The following HPCAL1 variants were observed in gnomAD, a reference collection of about 807,000 sequenced individuals.
HPCAL1 encodes hippocalcin-like protein 1.
In HPCAL1, 8 loss-of-function variants were observed where a neutral mutation model predicts 17.1. The ratio of observed to expected loss-of-function variants is 0.47; its 90% CI spans 0.27 to 0.84. The LOEUF is 0.84. Ranked by LOEUF, HPCAL1 falls within the 40% of genes least tolerant of loss-of-function variation. The pLI is 0.13. For synonymous variants in HPCAL1, 112 were observed against 111.4 expected (o/e 1.01, Z -0.03); for missense variants, 165 against 271.1 (o/e 0.61, Z 2.75).
In HPCAL1 at chr2:10,406,089, C is replaced by T. The variant is rs575770282; in HGVS notation, c.-25+9169C>T. ...ACCCCTCCTTGCTGTCATCAACATGCGTTCTCCTACAGTCATGCTCCGCGC... is the reference window on the plus strand; with the variant it reads ...ACCCCTCCTTGCTGTCATCAACATGTGTTCTCCTACAGTCATGCTCCGCGC... On this transcript the variant is annotated intron_variant, in intron 2 of 4. Coordinates refer to ENST00000307845, the MANE Select transcript of HPCAL1 (RefSeq NM_002149.4). Among the ~76,000 whole-genome samples, 41 of 152,344 alleles carry T rather than the reference C, an allele frequency of 2.7e-4. No homozygotes were observed. In the South Asian group the frequency reaches 7.9e-3, roughly 29 times the overall value.
chr2:10,320,880 A>G (rs1425303049), intron 1 of HPCAL1, among the ~76,000 whole-genome samples: 1 of 152,242 alleles, frequency 6.6e-6, no homozygotes, highest in African/African-American at 2.4e-5. Flanking sequence ...AGTAAACTAA[A>G]TAAGCAGATT....
At chr2:10,358,271 C>G (rs1192662147) in intron 1 of HPCAL1, among the ~76,000 whole-genome samples, 1 of 152,240 alleles carries the variant, frequency 6.6e-6, no homozygotes, top group Non-Finnish European at 1.5e-5. Context: ...GTGTCACAAT[C>G]TCAACCACTT....
At chr2:10,412,843 C>A (rs1670438470) in intron 2 of HPCAL1, among the ~76,000 whole-genome samples, 1 of 152,214 alleles carries the variant, frequency 6.6e-6, no homozygotes, top group Non-Finnish European at 1.5e-5. Context: ...ATCTCCCTGC[C>A]CACTTCCCAC....
chr2:10,426,638 C>A (rs1010503372), intron 4 of HPCAL1, 86 bp from the exon 5 acceptor site: 6 of 1,055,996 alleles, frequency 5.7e-6, no homozygotes, highest in African/African-American at 4.7e-5. Context: ...AGGGAGCATA[C>A]CTGACCTGAG....
At chr2:10,423,536 A>T (rs369824028) in intron 4 of HPCAL1, 1 of 178,704 alleles carries the variant, frequency 5.6e-6, no homozygotes, top group African/African-American at 2.4e-5. Context: ...GTCCAAGGGG[A>T]ACTGTCAGGA....
At chr2:10,400,003 TGAG>T in intron 2 of HPCAL1, among the ~76,000 whole-genome samples, 1 of 151,808 alleles carries the variant, frequency 6.6e-6, no homozygotes, top group East Asian at 1.9e-4. Flanking sequence ...AAAACAGAAA[TGAG>T]AGAAAGGATC....
At chr2:10,423,230 C>T in intron 4 of HPCAL1, 142 bp downstream of exon 4, 1 of 669,822 alleles carries the variant, frequency 1.5e-6, no homozygotes, top group South Asian at 1.7e-5. Flanking sequence ...GCCTGCCATG[C>T]CCAGGGAAGA....
At chr2:10,418,737 G>A (rs1457344935) in intron 2 of HPCAL1, among the ~76,000 whole-genome samples, 1 of 152,144 alleles carries the variant, frequency 6.6e-6, no homozygotes, top group African/African-American at 2.4e-5. Flanking sequence ...TGTGAATGCC[G>A]GTTGATCAGT....
chr2:10,363,956 G>A lies in HPCAL1; in HGVS notation c.-110-32879G>A, dbSNP rs112069202. 5.2e-3 allele frequency among the ~76,000 whole-genome samples: 785 copies of A among 152,332 alleles called. 1 individual carries two copies. The highest frequency in any genetic ancestry group is 0.037 in the Middle Eastern group (11 of 294). ...GGTGCTCAGGGAGGCCTGATGATTC[G>A]GGGCGCTTGGCCGGGTGGTGGGGTG... is the stretch of plus-strand genomic sequence containing the variant. On this transcript the variant is annotated intron_variant, in intron 1 of 4. Coordinates refer to ENST00000307845, the MANE Select transcript of HPCAL1 (RefSeq NM_002149.4). This position sits in a 1 kb window ranked among gnomAD's most constrained non-coding sequence, Gnocchi z 4.7.
intron 2 of HPCAL1, among the ~76,000 whole-genome samples, chr2:10,414,115 G>A (rs910200184): frequency 1.1e-4 from 16 of 152,360 alleles, no homozygotes; most frequent in African/African-American, 3.1e-4. Context: ...GTGGTGAAGC[G>A]TGACTAATAG....
chr2:10,347,522 C>G (rs150765705), intron 1 of HPCAL1, among the ~76,000 whole-genome samples: 2 of 152,292 alleles, frequency 1.3e-5, no homozygotes, highest in East Asian at 3.9e-4. Context: ...CCCACTACTT[C>G]TCCTTTGGAA....
Position 10,344,512 on chromosome 2 carries a change from A to ATC in HPCAL1, c.-111+41336_-111+41337insCT, listed in dbSNP as rs1285590771. 2.6e-5 allele frequency among the ~76,000 whole-genome samples: 4 copies of ATC among 152,206 alleles called. No individual in the cohort carries two copies. Among genetic ancestry groups the ATC allele is most frequent in the Non-Finnish European group, 5.9e-5 (4 of 68,048 alleles). ...ATGGAACTCCAGAATAGCTTCTTAG[A>ATC]TATCACTCTTCAGGCCCTGAAATGG... On this transcript the variant is annotated intron_variant, in intron 1 of 4. Coordinates refer to ENST00000307845, the MANE Select transcript of HPCAL1 (RefSeq NM_002149.4). This position sits in a 1 kb window ranked among gnomAD's most constrained non-coding sequence, Gnocchi z 4.9.
At chr2:10,306,004 T>A (rs890835707) in intron 1 of HPCAL1, among the ~76,000 whole-genome samples, 6 of 152,306 alleles carry the variant, frequency 3.9e-5, no homozygotes, top group Admixed American at 6.5e-5. Flanking sequence ...TGAGTGTGCG[T>A]CAGAGCAGTT....
At chr2:10,378,459 G>C (rs1013113886) in intron 1 of HPCAL1, among the ~76,000 whole-genome samples, 5 of 152,086 alleles carry the variant, frequency 3.3e-5, no homozygotes, top group Non-Finnish European at 4.4e-5. Context: ...CTGGAGGCGG[G>C]AGGTCTAGAT....
At chr2:10,410,077 C>A (rs150665403) in intron 2 of HPCAL1, among the ~76,000 whole-genome samples, 1 of 152,116 alleles carries the variant, frequency 6.6e-6, no homozygotes. Context: ...GTGTGAGCCA[C>A]GGCGCCCCGG....
rs186389020 is a variant in HPCAL1, at chr2:10,323,663, A to G, written c.-111+20486A>G. 4.6e-3 allele frequency among the ~76,000 whole-genome samples: 696 copies of G among 152,304 alleles called. 3 individuals are homozygous for G. Among genetic ancestry groups the G allele is most frequent in the Non-Finnish European group, 8.0e-3 (544 of 68,020 alleles). ...TCTAATGAAAATAATAAAAGCTCAA[A>G]TGACCAGCACTGTCCTACTGCTTTA... On this transcript the variant is annotated intron_variant, in intron 1 of 4. Coordinates refer to ENST00000307845, the MANE Select transcript of HPCAL1 (RefSeq NM_002149.4). The surrounding 1 kb of genome is among the most constrained non-coding windows in gnomAD (Gnocchi z 4.6).
At chr2:10,360,942 G>A (rs576240310) in intron 1 of HPCAL1, among the ~76,000 whole-genome samples, 1 of 151,230 alleles carries the variant, frequency 6.6e-6, no homozygotes, top group African/African-American at 2.4e-5. Flanking sequence ...GCTTTTGTTT[G>A]CCTGTCCAGC....
intron 1 of HPCAL1, among the ~76,000 whole-genome samples, chr2:10,322,087 A>G (rs1159964586): frequency 6.6e-6 from 1 of 152,200 alleles, no homozygotes; most frequent in Non-Finnish European, 1.5e-5. Context: ...CAGTGGCGCC[A>G]TCATAGCTCA....
chr2:10,378,102 A>G (rs11685619), intron 1 of HPCAL1, among the ~76,000 whole-genome samples: 5,688 of 151,566 alleles, frequency 0.038, 141 homozygotes, highest in South Asian at 0.13. Context: ...AAGGTTCTTG[A>G]TGGGGTTTAG....
Sources: allele counts gnomAD v4.1 joint callset (sites outside exome capture counted in the v4.1 genomes callset), GRCh38; gene constraint gnomAD v4.1.1; non-coding constraint Gnocchi (gnomAD v3.1); transcripts MANE v1.5; gene names NCBI Gene and HGNC (gene_info 2026-07-23, HGNC 2026-07-21).